Variants in ASB15 observed in about 807,000 individuals in gnomAD.
ASB15 encodes the protein ankyrin repeat and SOCS box containing 15, also known as ankyrin repeat and SOCS box protein 15.
Under a neutral mutation model 58.0 loss-of-function variants are expected in ASB15, and 54 were observed. That is an observed-to-expected ratio of 0.93 (90% CI 0.75 to 1.17). The LOEUF is 1.17. Ranked by LOEUF, ASB15 falls within the 50% of genes most tolerant of loss-of-function variation. The pLI is 0.00. For synonymous variants in ASB15, 249 were observed against 262.4 expected (o/e 0.95, Z 0.50); for missense variants, 680 against 707.4 (o/e 0.96, Z 0.44).
At chr7:123,633,474 T>C (rs1169247988) in intron 11 of ASB15, among the ~76,000 whole-genome samples, 1 of 152,086 alleles carries the variant, frequency 6.6e-6, no homozygotes, top group Non-Finnish European at 1.5e-5. Flanking sequence ...GGATTGTCAG[T>C]GTGGCAGAAA....
chr7:123,637,204 T>C lies in ASB15; in HGVS notation c.*223T>C, dbSNP rs1802470615. 3.2e-6 allele frequency: 1 copy of C among 315,586 alleles called. No homozygotes were observed. Among genetic ancestry groups the C allele is most frequent in the South Asian group, 6.2e-5 (1 of 16,084 alleles). 19.5% of individuals were successfully genotyped at this position (315,586 alleles called of 1,614,324 possible). A position where few individuals can be genotyped will look rare whatever the true frequency, so the allele number is the denominator to read the frequency against. On this transcript the variant is annotated 3_prime_UTR_variant, in exon 12 of 12. Transcript: ENST00000451215. ...AACTTAGATTTGTATCTTTGTTTGC[T>C]ACAAGTCATCAAACTCTCCCTATCA...
chr7:123,621,876 G>C (rs1398799859), intron 7 of ASB15, among the ~76,000 whole-genome samples: 1 of 152,136 alleles, frequency 6.6e-6, no homozygotes, highest in African/African-American at 2.4e-5. Context: ...AGTTGGATAG[G>C]CACAAGCTGA....
intron 1 of ASB15, among the ~76,000 whole-genome samples, chr7:123,571,514 T>C (rs939129675): frequency 6.6e-6 from 1 of 152,176 alleles, no homozygotes; most frequent in Non-Finnish European, 1.5e-5. Flanking sequence ...ATAGAAAATA[T>C]GATTTTTAAT....
In ASB15 at chr7:123,624,950, G is replaced by T. The variant is rs1157238380; in HGVS notation, c.697+136G>T. The T allele has an allele frequency of 5.3e-6, 6 of 1,130,014 alleles. No homozygotes were observed. The African/African-American group carries it at 6.3e-5, about 12-fold the overall frequency. 70.0% of individuals were successfully genotyped at this position (1,130,014 alleles called of 1,614,324 possible). A position where few individuals can be genotyped will look rare whatever the true frequency, so the allele number is the denominator to read the frequency against. ...TCTGCTGAATGGAACTTGGCATCAG[G>T]TTTTCCCACCTGGTCCCTCAGTAGA... On this transcript the variant is annotated intron_variant, in intron 8 of 11. Coordinates refer to ENST00000451215, the MANE Select transcript of ASB15 (RefSeq NM_001290258.2).
upstream of ASB15, among the ~76,000 whole-genome samples, chr7:123,600,214 G>A (rs1799830040): frequency 1.3e-5 from 2 of 152,102 alleles, no homozygotes; most frequent in African/African-American, 4.8e-5. Flanking sequence ...AAGTGGTAAA[G>A]CAAGACGTGT....
intron 8 of ASB15, among the ~76,000 whole-genome samples, chr7:123,626,434 C>T (rs1440570219): frequency 5.9e-5 from 9 of 152,008 alleles, no homozygotes; most frequent in Non-Finnish European, 1.0e-4. Context: ...ATCACACCAC[C>T]GCACTCCAGC....
chr7:123,588,647 T>C (rs1260317614), intron 1 of ASB15, among the ~76,000 whole-genome samples: 1 of 151,316 alleles, frequency 6.6e-6, no homozygotes, highest in Admixed American at 6.6e-5. Flanking sequence ...TTTCTAGTTG[T>C]TTGAGGTATA....
intron 11 of ASB15, among the ~76,000 whole-genome samples, chr7:123,636,484 C>T (rs978893928): frequency 6.6e-6 from 1 of 152,030 alleles, no homozygotes; most frequent in Non-Finnish European, 1.5e-5. Context: ...ATACTTAGCT[C>T]TAAAAAATAA....
At chr7:123,572,033 C>T (rs982588190) in intron 1 of ASB15, among the ~76,000 whole-genome samples, 4 of 151,830 alleles carry the variant, frequency 2.6e-5, no homozygotes, top group Non-Finnish European at 1.5e-5. Flanking sequence ...AGCAATCCTC[C>T]TGCCTTGGTT....
chr7:123,625,391 TC>T (rs1427473639), intron 8 of ASB15, among the ~76,000 whole-genome samples: 1 of 152,172 alleles, frequency 6.6e-6, no homozygotes, highest in African/African-American at 2.4e-5. Context: ...TTGGCTCCTC[TC>T]CCTATAGGGC....
intron 1 of ASB15, among the ~76,000 whole-genome samples, chr7:123,591,812 A>C (rs1407219228): frequency 6.6e-6 from 1 of 152,234 alleles, no homozygotes; most frequent in African/African-American, 2.4e-5. Flanking sequence ...TGCTGACCTC[A>C]TAAAATGAGT....
At chr7:123,619,328 A>C (rs1306897086) in intron 7 of ASB15, among the ~76,000 whole-genome samples, 1 of 152,090 alleles carries the variant, frequency 6.6e-6, no homozygotes, top group Admixed American at 6.5e-5. Context: ...TAGTGTTATA[A>C]GTGCTATAAT....
At chr7:123,624,924 C>T in intron 8 of ASB15, 110 bp downstream of exon 8, 2 of 1,333,932 alleles carry the variant, frequency 1.5e-6, no homozygotes, top group Non-Finnish European at 2.0e-6. Flanking sequence ...GCTCCTCTTC[C>T]TCTGCTGAAT....
At chr7:123,619,745 G>A (rs374226171) in intron 7 of ASB15, among the ~76,000 whole-genome samples, 11 of 152,220 alleles carry the variant, frequency 7.2e-5, no homozygotes, top group East Asian at 1.9e-4. Context: ...GGATGGTCTC[G>A]ATCTCCTGAC....
In ASB15 at chr7:123,620,499, T is replaced by TATAC. The variant is rs58566290; in HGVS notation, c.451+2770_451+2773dup. Among the ~76,000 whole-genome samples, 15 of 68,764 alleles carry TATAC rather than the reference T, an allele frequency of 2.2e-4. 1 individual carries two copies. In the South Asian group the frequency reaches 3.1e-3, roughly 14 times the overall value. The allele number at this position is 68,764 out of a possible 152,430, so 45.1% of individuals were successfully genotyped here. A position where few individuals can be genotyped will look rare whatever the true frequency, so the allele number is the denominator to read the frequency against. ...GATTCACCACTAGTAATGTGACACA[T>TATAC]ATACATACATATATATATATATATA... On this transcript the variant is annotated intron_variant, in intron 7 of 11. Coordinates refer to ENST00000451215, the MANE Select transcript of ASB15 (RefSeq NM_001290258.2).
chr7:123,584,732 T>C (rs1269209614), intron 1 of ASB15: 1 of 151,986 alleles, frequency 6.6e-6, no homozygotes, highest in Admixed American at 6.6e-5. Flanking sequence ...GAAACAATTC[T>C]ATTCACGAAG....
chr7:123,588,362 T>G (rs1799433406), intron 1 of ASB15, among the ~76,000 whole-genome samples: 1 of 151,714 alleles, frequency 6.6e-6, no homozygotes, highest in South Asian at 2.1e-4. Flanking sequence ...TTCTGTATTT[T>G]TATATATGTG....
intron 11 of ASB15, among the ~76,000 whole-genome samples, chr7:123,633,949 CA>C (rs1802275572): frequency 6.6e-6 from 1 of 152,132 alleles, no homozygotes; most frequent in South Asian, 2.1e-4. Context: ...AAAGATGGGA[CA>C]ATTTAAGTTT....
intron 9 of ASB15, among the ~76,000 whole-genome samples, chr7:123,627,924 T>C (rs1801900426): frequency 6.6e-6 from 1 of 152,210 alleles, no homozygotes. Flanking sequence ...TCGGGCTTTA[T>C]AGTTTTCAGT....
Sources: allele counts gnomAD v4.1 joint callset (sites outside exome capture counted in the v4.1 genomes callset), GRCh38; gene constraint gnomAD v4.1.1; transcripts MANE v1.5; gene names NCBI Gene and HGNC (gene_info 2026-07-23, HGNC 2026-07-21).